Variants in GRIN2A observed in about 807,000 individuals in gnomAD.
The protein encoded by GRIN2A is glutamate receptor ionotropic, NMDA 2A.
In GRIN2A, 22 loss-of-function variants were observed where a neutral mutation model predicts 113.4. That is an observed-to-expected ratio of 0.19 (90% CI 0.14 to 0.28). The LOEUF (loss-of-function observed/expected upper bound fraction) is 0.28, where lower values mean the gene tolerates loss of function less well. Among genes scored for constraint, GRIN2A ranks in the 10% least tolerant of loss-of-function variants. The probability of loss-of-function intolerance (pLI) is 1.00; values close to 1 mark genes in which losing one functional copy is unlikely to be tolerated. For synonymous variants in GRIN2A, 827 were observed against 738.4 expected, an observed-to-expected ratio of 1.12 and a Z score of -1.94; for missense variants, 1,502 against 1,887.0, an observed-to-expected ratio of 0.80 and a Z score of 3.78.
intron 4 of GRIN2A, among the ~76,000 whole-genome samples, chr16:9,859,941 G>A (rs964168314): frequency 7.3e-5 from 11 of 151,384 alleles, no homozygotes; most frequent in African/African-American, 2.7e-4. Flanking sequence ...ACTGTGCCGG[G>A]TAATACTGGA....
intron 11 of GRIN2A, among the ~76,000 whole-genome samples, chr16:9,772,029 G>T (rs527321020): frequency 6.6e-6 from 1 of 152,116 alleles, no homozygotes; most frequent in South Asian, 2.1e-4. Flanking sequence ...ACATGTTAAT[G>T]AGTTTTTTTT....
chr16:9,763,654 T>C lies in GRIN2A; in HGVS notation c.3890A>G (p.Asp1297Gly), dbSNP rs1439140081. The change falls in exon 13 of 13, where the codon GAC (aspartate) becomes GGC (glycine). Residue 1297 changes from aspartate to glycine, a missense_variant. Physicochemically the swap from Asp to Gly is moderately conservative, Grantham distance 94. Around this residue, in one of 7 missense-constraint regions of GRIN2A, gnomAD observed 832 missense variants for 789.7 expected, o/e 1.05. Transcript: ENST00000330684. ...SRQHSYDNIV[D>G]KPRELDLSRP... is the part of the protein sequence containing the mutation. ...GCTAAGGTCTAGCTCCCTAGGTTTG[T>C]CGACAATGTTATCGTAGGAATGCTG... 6.2e-7 allele frequency: 1 copy of C among 1,613,500 alleles called. No homozygotes were observed. Among genetic ancestry groups the C allele is most frequent in the Non-Finnish European group, 8.5e-7 (1 of 1,179,980 alleles).
chr16:10,019,607 G>A (rs1373478392), intron 2 of GRIN2A, among the ~76,000 whole-genome samples: 1 of 152,186 alleles, frequency 6.6e-6, no homozygotes, highest in Non-Finnish European at 1.5e-5. Context: ...CCCTCAAGTA[G>A]ATTAAATCAA....
intron 2 of GRIN2A, among the ~76,000 whole-genome samples, chr16:9,981,588 A>G (rs2045892711): frequency 6.6e-6 from 1 of 152,174 alleles, no homozygotes; most frequent in African/African-American, 2.4e-5. Context: ...ATATTTCAGT[A>G]TACATCTCTA....
intron 2 of GRIN2A, among the ~76,000 whole-genome samples, chr16:10,145,948 T>C (rs536168574): frequency 1.4e-4 from 22 of 152,174 alleles, no homozygotes; most frequent in Non-Finnish European, 3.1e-4. Context: ...AAGAACAGCA[T>C]TCAGTTACTG....
intron 2 of GRIN2A, among the ~76,000 whole-genome samples, chr16:10,119,868 G>A (rs2048800712): frequency 6.6e-6 from 1 of 152,126 alleles, no homozygotes; most frequent in Non-Finnish European, 1.5e-5. Flanking sequence ...GTTTGCTAAG[G>A]ATAATGGCCT....
chr16:10,024,111 A>G (rs1732168768), intron 2 of GRIN2A, among the ~76,000 whole-genome samples: 1 of 152,212 alleles, frequency 6.6e-6, no homozygotes, highest in South Asian at 2.1e-4. Flanking sequence ...TAGGACACAC[A>G]AGGGCTCAAA....
At chr16:10,163,828 C>T (rs2049854080) in intron 2 of GRIN2A, among the ~76,000 whole-genome samples, 3 of 152,202 alleles carry the variant, frequency 2.0e-5, no homozygotes, top group South Asian at 2.1e-4. Flanking sequence ...CATTTTACTG[C>T]CCCCTGCCAC....
intron 5 of GRIN2A, among the ~76,000 whole-genome samples, chr16:9,846,981 T>G (rs565793753): frequency 6.6e-6 from 1 of 152,296 alleles, no homozygotes; most frequent in East Asian, 1.9e-4. Context: ...GACCTCATAA[T>G]GGACAATGCC....
chr16:10,181,199 GCACACACACACGCA>G (rs1196987319), intron 1 of GRIN2A, among the ~76,000 whole-genome samples: 2 of 12,944 alleles, frequency 1.5e-4, no homozygotes, highest in Non-Finnish European at 3.9e-4. Context: ...ACACACACGT[GCACACACACACGCA>G]CACACACATG....
At chr16:9,767,098 G>A (rs1002158009) in intron 12 of GRIN2A, among the ~76,000 whole-genome samples, 3 of 152,204 alleles carry the variant, frequency 2.0e-5, no homozygotes, top group Non-Finnish European at 4.4e-5. Flanking sequence ...AAAGCCTTTG[G>A]TAATTGGCTG....
At chr16:9,860,651 A>G (rs2043052420) in intron 4 of GRIN2A, among the ~76,000 whole-genome samples, 1 of 152,130 alleles carries the variant, frequency 6.6e-6, no homozygotes, top group African/African-American at 2.4e-5. Context: ...GTTTGTAGCT[A>G]GAAGATTCGG....
intron 2 of GRIN2A, among the ~76,000 whole-genome samples, chr16:10,050,336 CCA>C (rs910873167): frequency 1.2e-4 from 18 of 152,070 alleles, no homozygotes; most frequent in Non-Finnish European, 2.2e-4. Flanking sequence ...AGGAACTGGG[CCA>C]CACAGCAGGA....
chr16:10,111,584 C>A (rs912574525), intron 2 of GRIN2A: 19 of 945,634 alleles, frequency 2.0e-5, no homozygotes, highest in Non-Finnish European at 2.9e-5. Context: ...CTGATCTCTT[C>A]CCCTATGGAC....
intron 2 of GRIN2A, among the ~76,000 whole-genome samples, chr16:10,086,880 C>G (rs1191119091): frequency 6.6e-6 from 1 of 152,196 alleles, no homozygotes; most frequent in Non-Finnish European, 1.5e-5. Context: ...AAATGCCTAC[C>G]TAGCTGGATG....
Position 9,763,533 on chromosome 16 carries a change from C to G in GRIN2A, c.4011G>C (p.Ser1337=), listed in dbSNP as rs748586367. The part of the protein sequence containing the change: ...SLFSVPSSKL[S]GKKSSLFPQG... ...GGGGGAAAAGGGAGCTTTTTTTCCC[C>G]GAGAGTTTGCTTGAGGGGACACTAA... is the stretch of plus-strand genomic sequence containing the variant. The change falls in exon 13 of 13, where the codon TCG becomes TCC. Residue 1337 remains serine, a synonymous_variant. Transcript: ENST00000330684. 9.9e-6 allele frequency: 16 copies of G among 1,613,776 alleles called. No individual in the cohort carries two copies. Among genetic ancestry groups the G allele is most frequent in the Non-Finnish European group, 1.4e-5 (16 of 1,179,980 alleles).
intron 2 of GRIN2A, among the ~76,000 whole-genome samples, chr16:10,073,972 T>C (rs1399561279): frequency 6.8e-6 from 1 of 146,780 alleles, no homozygotes; most frequent in Non-Finnish European, 1.5e-5. Flanking sequence ...TATTTGCAAA[T>C]TATATATCTC....
chr16:10,078,890 T>C (rs1208295940), intron 2 of GRIN2A, among the ~76,000 whole-genome samples: 1 of 152,228 alleles, frequency 6.6e-6, no homozygotes, highest in African/African-American at 2.4e-5. Flanking sequence ...CATCACCGTC[T>C]CTGCATTGCA....
chr16:10,022,988 C>T (rs1228060718), intron 2 of GRIN2A, among the ~76,000 whole-genome samples: 3 of 152,180 alleles, frequency 2.0e-5, no homozygotes, highest in African/African-American at 7.2e-5. Context: ...TAGATTAACA[C>T]AGGAATCTAA....
Sources: gnomAD v4.1 joint callset for allele counts (sites outside exome capture counted in the v4.1 genomes callset) on GRCh38, gnomAD v4.1.1 for gene constraint, gnomAD v4.1.1 regional missense constraint, MANE v1.5 for transcripts, NCBI Gene and HGNC (gene_info 2026-07-23, HGNC 2026-07-21) for gene names.